CATSPERB: variants seen among roughly 807,000 people sequenced by gnomAD.
CATSPERB encodes the protein catsper channel auxiliary subunit beta.
In CATSPERB, 93 loss-of-function variants were observed where a neutral mutation model predicts 128.3. That is an observed-to-expected ratio of 0.72 (90% confidence interval 0.61 to 0.86). The LOEUF is 0.86. Among genes scored for constraint, CATSPERB ranks in the 40% least tolerant of loss-of-function variants. The pLI, the probability that CATSPERB is intolerant of heterozygous loss-of-function variation, is 0.00. For missense variants in CATSPERB, 1,153 were observed against 1,329.5 expected (o/e 0.87, Z 2.06); for synonymous variants, 381 against 448.8 (o/e 0.85, Z 1.91).
chr14:91,675,530 T>G (rs1895178682), intron 11 of CATSPERB, among the ~76,000 whole-genome samples: 1 of 152,204 alleles, frequency 6.6e-6, no homozygotes, highest in South Asian at 2.1e-4. Context: ...GTACATCATC[T>G]TTATCTGTGG....
At chr14:91,684,605 CTTTT>C (rs1160778932) in intron 10 of CATSPERB, among the ~76,000 whole-genome samples, 1 of 112,342 alleles carries the variant, frequency 8.9e-6, no homozygotes, top group Non-Finnish European at 1.8e-5. Flanking sequence ...GGAGACACTT[CTTTT>C]TTTTTTTTTT....
intron 7 of CATSPERB, among the ~76,000 whole-genome samples, chr14:91,703,288 G>T (rs1007146417): frequency 1.3e-5 from 2 of 152,010 alleles, no homozygotes; most frequent in Non-Finnish European, 2.9e-5. Flanking sequence ...ATACGTATTT[G>T]GTTTTCGTCC....
chr14:91,589,648 T>C lies in CATSPERB; in HGVS notation c.2842A>G (p.Ile948Val), dbSNP rs772436625. Reference protein sequence around the residue: ...REKVPRFKFPITQYPVSLEII... With the variant: ...REKVPRFKFPVTQYPVSLEII... The stretch of plus-strand genomic sequence containing the variant: ...TCCAAAGAAACTGGATATTGTGTAA[T>C]TGGAAACTTAAAGCGAGGAACCTAA... The change falls in exon 24 of 27, where the codon ATT becomes GTT. Residue 948 changes from isoleucine to valine, a missense_variant. Transcript: ENST00000256343. The C allele has an allele frequency of 1.9e-5, 31 of 1,613,662 alleles. No individual in the cohort carries two copies. In the African/African-American group the frequency reaches 3.1e-4, roughly 16 times the overall value.
chr14:91,707,914 C>T (rs1361596850), intron 6 of CATSPERB, among the ~76,000 whole-genome samples: 3 of 151,810 alleles, frequency 2.0e-5, no homozygotes, highest in Admixed American at 6.6e-5. Context: ...GCCTGTATTT[C>T]CACATTTCTA....
chr14:91,709,301 A>G (rs1595188182), intron 5 of CATSPERB: 1 of 152,040 alleles, frequency 6.6e-6, no homozygotes, highest in East Asian at 1.9e-4. Context: ...AATGAAGCCA[A>G]TTTTCTGCTG....
intron 18 of CATSPERB, among the ~76,000 whole-genome samples, chr14:91,624,452 C>A (rs1894114591): frequency 6.6e-6 from 1 of 152,132 alleles, no homozygotes; most frequent in South Asian, 2.1e-4. Flanking sequence ...CCACTGCGCT[C>A]CAGGCTGGGT....
chr14:91,700,684 A>T (rs1009791945), intron 7 of CATSPERB, among the ~76,000 whole-genome samples: 9 of 152,230 alleles, frequency 5.9e-5, no homozygotes, highest in African/African-American at 2.2e-4. Context: ...AGCAACATAG[A>T]TGCAGCTGGA....
intron 1 of CATSPERB, among the ~76,000 whole-genome samples, chr14:91,730,178 G>T (rs1222095364): frequency 6.6e-6 from 1 of 152,194 alleles, no homozygotes; most frequent in African/African-American, 2.4e-5. Flanking sequence ...TTAAACAGGT[G>T]ATGAAGTGAA....
chr14:91,641,473 C>T (rs1190086293), intron 15 of CATSPERB, among the ~76,000 whole-genome samples: 28 of 152,128 alleles, frequency 1.8e-4, no homozygotes. Flanking sequence ...GGAATCCTTT[C>T]CCCATTGCTT....
intron 14 of CATSPERB, among the ~76,000 whole-genome samples, chr14:91,665,042 A>G (rs1894958217): frequency 6.8e-6 from 1 of 147,678 alleles, no homozygotes; most frequent in Non-Finnish European, 1.5e-5. Context: ...GGAACGTGCC[A>G]CCACACCTGG....
rs1250721499 is a variant in CATSPERB at position 91,580,887 on chromosome 14, G to A, written c.*2C>T. 3 of 1,610,560 alleles carry A rather than the reference G, an allele frequency of 1.9e-6. No individual in the cohort carries two copies. Among genetic ancestry groups the A allele is most frequent in the Non-Finnish European group, 2.5e-6 (3 of 1,176,770 alleles). ...TAAAGAGAAATTATGATCACCATGTGTTCACTCTTCAGACTTTGATCTATG... is the reference window on the plus strand; with the variant it reads ...TAAAGAGAAATTATGATCACCATGTATTCACTCTTCAGACTTTGATCTATG... On this transcript the variant is annotated 3_prime_UTR_variant, in exon 27 of 27. Coordinates refer to ENST00000256343, the MANE Select transcript of CATSPERB (RefSeq NM_024764.4).
At chr14:91,678,924 C>T (rs965330830) in intron 11 of CATSPERB, among the ~76,000 whole-genome samples, 15 of 151,920 alleles carry the variant, frequency 9.9e-5, no homozygotes, top group African/African-American at 3.4e-4. Context: ...TAGGTGAATC[C>T]CTGATGTTTA....
At chr14:91,720,723 G>A (rs1468730631) in intron 4 of CATSPERB, among the ~76,000 whole-genome samples, 1 of 152,044 alleles carries the variant, frequency 6.6e-6, no homozygotes, top group Non-Finnish European at 1.5e-5. Flanking sequence ...TGTAGAAATT[G>A]GCAAGCTTAT....
intron 17 of CATSPERB, among the ~76,000 whole-genome samples, chr14:91,634,291 A>G (rs1044982695): frequency 2.4e-4 from 37 of 152,172 alleles, no homozygotes; most frequent in Non-Finnish European, 7.4e-5. Flanking sequence ...CATCCTAGTC[A>G]TCTTCTTGAT....
At chr14:91,609,365 C>T (rs1015337319) in intron 21 of CATSPERB, among the ~76,000 whole-genome samples, 2 of 152,128 alleles carry the variant, frequency 1.3e-5, no homozygotes, top group African/African-American at 4.8e-5. Flanking sequence ...AATTTACTGG[C>T]TAGGTGAACT....
chr14:91,720,691 T>G (rs1035998760), intron 4 of CATSPERB, among the ~76,000 whole-genome samples: 1 of 152,142 alleles, frequency 6.6e-6, no homozygotes, highest in Non-Finnish European at 1.5e-5. Context: ...ACAGTCCTTA[T>G]CAGAATCCCA....
chr14:91,635,486 A>C (rs1367570292), intron 17 of CATSPERB: 1 of 151,956 alleles, frequency 6.6e-6, no homozygotes, highest in Admixed American at 6.6e-5. Flanking sequence ...TCTTCCCAGT[A>C]GCTGGGATTA....
At chr14:91,722,281 A>C (rs1469253241) in intron 4 of CATSPERB, among the ~76,000 whole-genome samples, 1 of 152,248 alleles carries the variant, frequency 6.6e-6, no homozygotes, top group Admixed American at 6.5e-5. Flanking sequence ...AAAAGTGGGA[A>C]TAGCCCAAAG....
At chr14:91,668,646 A>C (rs779962630) in intron 14 of CATSPERB, among the ~76,000 whole-genome samples, 26 of 152,194 alleles carry the variant, frequency 1.7e-4, no homozygotes, top group South Asian at 4.1e-4. Context: ...CACTATCTTT[A>C]TGAGCTGTAA....
Sources: allele counts gnomAD v4.1 joint callset (sites outside exome capture counted in the v4.1 genomes callset), GRCh38; gene constraint gnomAD v4.1.1; transcripts MANE v1.5; gene names NCBI Gene and HGNC (gene_info 2026-07-23, HGNC 2026-07-21).